Variants in SNX30 observed in about 807,000 individuals in gnomAD.
SNX30 encodes sorting nexin-30.
SNX30 carries 24 observed loss-of-function variants against 46.4 expected under a neutral mutation model. That is an observed-to-expected ratio of 0.52 (90% CI 0.37 to 0.73). SNX30 has a LOEUF of 0.73. SNX30 is among the 30% of genes least tolerant of loss of function. The pLI is 0.00. For missense variants in SNX30, 533 were observed against 555.7 expected (o/e 0.96, Z 0.41); for synonymous variants, 189 against 211.5 (o/e 0.89, Z 0.92).
At chr9:112,821,580 G>A (rs112579294) in intron 3 of SNX30, among the ~76,000 whole-genome samples, 9,122 of 145,842 alleles carry the variant, frequency 0.063, 620 homozygotes, top group African/African-American at 0.17. Context: ...TCCGTCTCCC[G>A]GGTTCACGTC....
At chr9:112,838,348 TTGTG>T in intron 5 of SNX30, 146 bp from the exon 6 acceptor site, 1 of 607,300 alleles carries the variant, frequency 1.6e-6, no homozygotes, top group Middle Eastern at 4.3e-4. Context: ...AGAAACAGTG[TTGTG>T]TTTAAAGAAG....
intron 7 of SNX30, among the ~76,000 whole-genome samples, chr9:112,861,509 G>A (rs1180775114): frequency 1.3e-5 from 2 of 152,234 alleles, no homozygotes; most frequent in African/African-American, 4.8e-5. Context: ...TGCAAGCTAA[G>A]CTCTGGAAGT....
downstream of SNX30, among the ~76,000 whole-genome samples, chr9:112,884,123 G>A (rs2131542611): frequency 6.6e-6 from 1 of 152,354 alleles, no homozygotes; most frequent in South Asian, 2.1e-4. Context: ...CATCTAAAGA[G>A]CAAACAAGAG....
intron 1 of SNX30, among the ~76,000 whole-genome samples, chr9:112,791,398 A>ATTTTTT (rs1564270543): frequency 1.0e-4 from 4 of 39,880 alleles, no homozygotes; most frequent in Non-Finnish European, 2.2e-4. Flanking sequence ...ATATTTAGGA[A>ATTTTTT]CTTTTTTTTT....
Position 112,864,396 on chromosome 9 carries a change from G to A in SNX30, c.1251G>A (p.Glu417=). ...CTGACAAGAACATCCAGTATTATGA[G>A]AAGGTAATGAGTGTGCCCAACAAGA... The part of the protein sequence containing the change: ...GMADKNIQYY[E]KCLMAWESII... The change falls in exon 8 of 9, where the codon GAG becomes GAA. Residue 417 remains glutamate (E), a synonymous_variant. Transcript: ENST00000374232. The A allele has an allele frequency of 1.9e-6, 3 of 1,614,172 alleles. No individual in the cohort carries two copies. Among genetic ancestry groups the A allele is most frequent in the Non-Finnish European group, 1.7e-6 (2 of 1,180,040 alleles).
intron 2 of SNX30, among the ~76,000 whole-genome samples, chr9:112,811,031 A>T (rs1229199151): frequency 5.9e-5 from 9 of 152,116 alleles, no homozygotes; most frequent in Non-Finnish European, 1.2e-4. Flanking sequence ...CAGGTTTCAG[A>T]ATTTGAATGG....
At chr9:112,881,985 C>G (rs867494550), downstream of SNX30, among the ~76,000 whole-genome samples, 8 of 151,988 alleles carry the variant, frequency 5.3e-5, no homozygotes, top group Non-Finnish European at 5.9e-5. Context: ...GGAGGGGAGG[C>G]GACTGTGGCT....
At chr9:112,786,011 T>G (rs113992812) in intron 1 of SNX30, among the ~76,000 whole-genome samples, 43 of 152,274 alleles carry the variant, frequency 2.8e-4, no homozygotes, top group Non-Finnish European at 5.0e-4. Context: ...TAGAAATCCT[T>G]ACAGCTTATT....
intron 1 of SNX30, among the ~76,000 whole-genome samples, chr9:112,784,161 A>C (rs1395869566): frequency 6.6e-6 from 1 of 152,110 alleles, no homozygotes; most frequent in African/African-American, 2.4e-5. Context: ...TGATCTTAGC[A>C]TTGACAACAC....
intron 1 of SNX30, among the ~76,000 whole-genome samples, chr9:112,778,270 C>CTTT (rs1001151120): frequency 2.8e-4 from 34 of 123,346 alleles, no homozygotes; most frequent in Non-Finnish European, 4.2e-4. Context: ...GGCCATATTC[C>CTTT]TTTTTTTTTT....
At chr9:112,817,917 A>C (rs772437083) in intron 3 of SNX30, 102 bp downstream of exon 3, 6 of 751,140 alleles carry the variant, frequency 8.0e-6, no homozygotes, top group Non-Finnish European at 1.4e-5. Flanking sequence ...AGACTCACCC[A>C]GCAAACATAT....
At chr9:112,765,479 G>T (rs982412495) in intron 1 of SNX30, among the ~76,000 whole-genome samples, 1 of 152,120 alleles carries the variant, frequency 6.6e-6, no homozygotes, top group Admixed American at 6.5e-5. Flanking sequence ...CCTGGCAACT[G>T]CTAATCTGCC....
At chr9:112,828,777 A>T (rs887591767) in intron 3 of SNX30, among the ~76,000 whole-genome samples, 1 of 152,226 alleles carries the variant, frequency 6.6e-6, no homozygotes, top group African/African-American at 2.4e-5. Flanking sequence ...GTGCTAAAAA[A>T]CATAGCACCA....
intron 3 of SNX30, among the ~76,000 whole-genome samples, chr9:112,827,395 G>A (rs1300301562): frequency 4.6e-5 from 7 of 152,170 alleles, no homozygotes; most frequent in Non-Finnish European, 4.4e-5. Flanking sequence ...CTAGTAGGTG[G>A]CAAAGTCAAA....
intron 1 of SNX30, among the ~76,000 whole-genome samples, chr9:112,796,386 G>A (rs1339880856): frequency 6.6e-6 from 1 of 152,230 alleles, no homozygotes; most frequent in Non-Finnish European, 1.5e-5. Context: ...TTCCAGAGAA[G>A]ATGTTGTCCC....
intron 1 of SNX30, among the ~76,000 whole-genome samples, chr9:112,762,149 T>G (rs1375609647): frequency 6.6e-6 from 1 of 152,214 alleles, no homozygotes; most frequent in Non-Finnish European, 1.5e-5. Context: ...TGCTGTCTTA[T>G]GTCTGCCTTG....
chr9:112,882,658 A>G (rs892042494), downstream of SNX30, among the ~76,000 whole-genome samples: 1 of 152,054 alleles, frequency 6.6e-6, no homozygotes, highest in Non-Finnish European at 1.5e-5. Context: ...TTGGAGGTAG[A>G]ATCAATATAT....
intron 1 of SNX30, among the ~76,000 whole-genome samples, chr9:112,778,710 C>T (rs1222114770): frequency 6.6e-6 from 1 of 152,208 alleles, no homozygotes; most frequent in Non-Finnish European, 1.5e-5. Flanking sequence ...ATAGTTAGGA[C>T]CTTCCTTTGA....
chr9:112,814,639 A>C (rs1328492870), intron 2 of SNX30, among the ~76,000 whole-genome samples: 1 of 152,228 alleles, frequency 6.6e-6, no homozygotes, highest in East Asian at 1.9e-4. Context: ...CCCAATAGTA[A>C]TTAAAGAAAC....
Sources: gnomAD v4.1 joint callset for allele counts (sites outside exome capture counted in the v4.1 genomes callset) on GRCh38, gnomAD v4.1.1 for gene constraint, MANE v1.5 for transcripts, NCBI Gene and HGNC (gene_info 2026-07-23, HGNC 2026-07-21) for gene names.